The following HCN1 variants were observed in gnomAD, a reference collection of about 807,000 sequenced individuals.
The protein encoded by HCN1 is hyperpolarization activated cyclic nucleotide gated potassium channel 1.
A neutral mutation model predicts 78.9 loss-of-function variants in HCN1; 13 were observed. That is an observed-to-expected ratio of 0.16 (90% CI 0.11 to 0.26). HCN1 has a LOEUF of 0.26. Ranked by LOEUF, HCN1 falls within the 10% of genes least tolerant of loss-of-function variation. The pLI is 1.00. For synonymous variants in HCN1, 552 were observed against 455.5 expected, an observed-to-expected ratio of 1.21 and a Z score of -2.70; for missense variants, 810 against 1,154.3, an observed-to-expected ratio of 0.70 and a Z score of 4.32.
intron 4 of HCN1, among the ~76,000 whole-genome samples, chr5:45,365,569 T>A (rs555499239): frequency 2.0e-5 from 3 of 151,984 alleles, no homozygotes; most frequent in Admixed American, 1.3e-4. Flanking sequence ...TATACCCACA[T>A]TTTCTTTATC....
chr5:45,313,626 T>A (rs560615767), intron 5 of HCN1, among the ~76,000 whole-genome samples: 1 of 152,266 alleles, frequency 6.6e-6, no homozygotes, highest in South Asian at 2.1e-4. Context: ...TGAAGAAATA[T>A]TAGACGAATG....
intron 6 of HCN1, among the ~76,000 whole-genome samples, chr5:45,289,464 T>G (rs1745330759): frequency 6.6e-6 from 1 of 152,042 alleles, no homozygotes; most frequent in Admixed American, 6.6e-5. Flanking sequence ...CAATGGAGCA[T>G]TATAATAATC....
At chr5:45,437,511 T>C (rs1391194392) in intron 3 of HCN1, among the ~76,000 whole-genome samples, 4 of 152,232 alleles carry the variant, frequency 2.6e-5, no homozygotes, top group Non-Finnish European at 4.4e-5. Flanking sequence ...TACCTTTTTC[T>C]AGTCTCATCC....
intron 1 of HCN1, among the ~76,000 whole-genome samples, chr5:45,659,245 T>G (rs1050389668): frequency 2.9e-5 from 4 of 139,684 alleles, no homozygotes; most frequent in Non-Finnish European, 6.1e-5. Context: ...CTGAGGGTCC[T>G]GTCTGTTAGA....
chr5:45,364,291 C>T (rs1747187696), intron 4 of HCN1, among the ~76,000 whole-genome samples: 1 of 152,162 alleles, frequency 6.6e-6, no homozygotes, highest in African/African-American at 2.4e-5. Flanking sequence ...TACCACCAAT[C>T]CTCAAGTCAA....
At chr5:45,375,057 T>A (rs552315271) in intron 4 of HCN1, among the ~76,000 whole-genome samples, 1 of 126,768 alleles carries the variant, frequency 7.9e-6, no homozygotes, top group East Asian at 2.1e-4. Context: ...TGGAATTTTA[T>A]ATATATATAT....
chr5:45,269,671 A>T (rs538928405), intron 6 of HCN1, among the ~76,000 whole-genome samples: 1 of 152,258 alleles, frequency 6.6e-6, no homozygotes, highest in African/African-American at 2.4e-5. Flanking sequence ...TCTCCCTCTC[A>T]TTCAATTGCT....
intron 2 of HCN1, among the ~76,000 whole-genome samples, chr5:45,639,732 G>A (rs1745418478): frequency 1.3e-5 from 2 of 152,074 alleles, no homozygotes; most frequent in Admixed American, 6.6e-5. Flanking sequence ...AAAGTACTGT[G>A]TTTGACACCG....
intron 6 of HCN1, among the ~76,000 whole-genome samples, chr5:45,288,156 A>T (rs1745304104): frequency 6.6e-6 from 1 of 152,018 alleles, no homozygotes; most frequent in Non-Finnish European, 1.5e-5. Flanking sequence ...GGAGCTTCAC[A>T]GTCCAAGGTC....
intron 2 of HCN1, among the ~76,000 whole-genome samples, chr5:45,625,375 T>C (rs895082178): frequency 4.6e-5 from 7 of 152,102 alleles, no homozygotes; most frequent in African/African-American, 1.7e-4. Context: ...TTAGTGTCAG[T>C]CTGCCATTTC....
intron 2 of HCN1, among the ~76,000 whole-genome samples, chr5:45,549,133 T>C (rs1481456065): frequency 6.6e-6 from 1 of 151,970 alleles, no homozygotes; most frequent in African/African-American, 2.4e-5. Flanking sequence ...CTTCACAGAA[T>C]TGGAAAAATC....
At chr5:45,423,733 A>T (rs1740276611) in intron 3 of HCN1, among the ~76,000 whole-genome samples, 2 of 152,188 alleles carry the variant, frequency 1.3e-5, no homozygotes, top group South Asian at 4.1e-4. Flanking sequence ...TCATATTAGG[A>T]CTTCTCGCAG....
intron 2 of HCN1, among the ~76,000 whole-genome samples, chr5:45,603,651 G>T (rs1028968166): frequency 6.6e-6 from 1 of 151,974 alleles, no homozygotes; most frequent in Admixed American, 6.6e-5. Context: ...TGCAATTCTT[G>T]CCTACAAAAT....
At chr5:45,342,076 C>A (rs1456275143) in intron 5 of HCN1, among the ~76,000 whole-genome samples, 1 of 152,066 alleles carries the variant, frequency 6.6e-6, no homozygotes, top group Non-Finnish European at 1.5e-5. Context: ...ACCCTCAATT[C>A]TTTAGGGATG....
At chr5:45,605,411 TA>T (rs1253397496) in intron 2 of HCN1, among the ~76,000 whole-genome samples, 3 of 151,934 alleles carry the variant, frequency 2.0e-5, no homozygotes, top group Admixed American at 2.0e-4. Context: ...AGAGTCAATC[TA>T]AATGCCAATA....
intron 3 of HCN1, among the ~76,000 whole-genome samples, chr5:45,427,879 T>G (rs1740383815): frequency 6.6e-6 from 1 of 152,094 alleles, no homozygotes; most frequent in Non-Finnish European, 1.5e-5. Context: ...TTGCTATGAT[T>G]GTATGAAGAT....
intron 5 of HCN1, among the ~76,000 whole-genome samples, chr5:45,313,565 C>T (rs553305939): frequency 6.6e-6 from 1 of 152,164 alleles, no homozygotes; most frequent in Non-Finnish European, 1.5e-5. Flanking sequence ...GATAAAACTT[C>T]TCCAAGCTAA....
intron 2 of HCN1, among the ~76,000 whole-genome samples, chr5:45,607,482 T>G (rs749075868): frequency 4.6e-5 from 7 of 151,456 alleles, no homozygotes; most frequent in Admixed American, 1.3e-4. Flanking sequence ...AATACAAGTT[T>G]GTCTCAACAC....
At chr5:45,294,902 G>T (rs576035258) in intron 6 of HCN1, among the ~76,000 whole-genome samples, 6 of 152,070 alleles carry the variant, frequency 3.9e-5, no homozygotes, top group Non-Finnish European at 7.4e-5. Flanking sequence ...AACTGAGTTT[G>T]AAACCTGGGT....
Sources: gnomAD v4.1 joint callset for allele counts (sites outside exome capture counted in the v4.1 genomes callset) on GRCh38, gnomAD v4.1.1 for gene constraint, MANE v1.5 for transcripts, NCBI Gene and HGNC (gene_info 2026-07-23, HGNC 2026-07-21) for gene names.